Variants in MS4A6A observed in about 807,000 individuals in gnomAD.
The protein encoded by MS4A6A is membrane-spanning 4-domains subfamily A member 6A.
Under a neutral mutation model 20.6 loss-of-function variants are expected in MS4A6A, and 19 were observed. The ratio of observed to expected loss-of-function variants is 0.92; its 90% CI spans 0.64 to 1.36. MS4A6A has a LOEUF of 1.36. Among genes scored for constraint, MS4A6A ranks in the 40% most tolerant of loss-of-function variants. MS4A6A has a pLI of 0.00. For missense variants in MS4A6A, 272 were observed against 261.1 expected, an observed-to-expected ratio of 1.04 and a Z score of -0.29; for synonymous variants, 108 against 105.0, an observed-to-expected ratio of 1.03 and a Z score of -0.17.
chr11:60,173,923 T>C (rs906762366), intron 5 of MS4A6A, among the ~76,000 whole-genome samples: 17 of 152,238 alleles, frequency 1.1e-4, no homozygotes, highest in African/African-American at 4.1e-4. Context: ...CTTTGGTTTG[T>C]GGTATTTATA....
In MS4A6A at chr11:60,172,935, T is replaced by C; in HGVS notation, c.*66A>G. On this transcript the variant is annotated 3_prime_UTR_variant, in exon 6 of 6. Transcript: ENST00000528851. Reference sequence around the variant, plus strand: ...CCATGTGTATCTCATGACTGACTGATTGTTCCTTCTACCACTCTTGGTGAC... The same window carrying C: ...CCATGTGTATCTCATGACTGACTGACTGTTCCTTCTACCACTCTTGGTGAC... 1 of 1,603,348 alleles carries C rather than the reference T, an allele frequency of 6.2e-7. No homozygotes were observed. Among genetic ancestry groups the C allele is most frequent in the Non-Finnish European group, 8.5e-7 (1 of 1,172,334 alleles).
chr11:60,181,518 G>A (rs1436194851), intron 2 of MS4A6A, 63 bp downstream of exon 2: 48 of 1,594,974 alleles, frequency 3.0e-5, no homozygotes, highest in Non-Finnish European at 3.7e-5. Flanking sequence ...CCAGTCCCAA[G>A]ACATATATCA....
chr11:60,182,267 T>C (rs143587408), intron 1 of MS4A6A: 4 of 153,000 alleles, frequency 2.6e-5, no homozygotes, highest in Non-Finnish European at 5.8e-5. Context: ...AAACATGTAA[T>C]AAATAAGAAA....
At chr11:60,182,877 G>T in intron 1 of MS4A6A, 101 bp downstream of exon 1, 1 of 522,188 alleles carries the variant, frequency 1.9e-6, no homozygotes, top group Non-Finnish European at 2.8e-6. Context: ...AGGCCCTAGT[G>T]TCTCTTAACT....
Position 60,175,488 on chromosome 11 carries a change from T to G in MS4A6A, c.463A>C (p.Asn155His). The change falls in exon 5 of 6, where the codon AAT becomes CAT. Residue 155 changes from asparagine to histidine, a missense_variant. Coordinates refer to ENST00000528851, the MANE Select transcript of MS4A6A (RefSeq NM_022349.4). ...ASLQCELDKN[N>H]IPTRSYVSYF... ...GAAACATAACTTCTTGTTGGTATAT[T>G]ATTTTTGTCCAACTCACACTGCAGT... 6.2e-7 allele frequency: 1 copy of G among 1,614,158 alleles called. No homozygotes were observed. Among genetic ancestry groups the G allele is most frequent in the South Asian group, 1.1e-5 (1 of 91,080 alleles).
intron 1 of MS4A6A, 22 bp downstream of exon 1, chr11:60,182,951 TGAGAA>T: frequency 9.0e-6 from 12 of 1,328,300 alleles, no homozygotes; most frequent in Non-Finnish European, 1.2e-5. Context: ...AATAGTGAGA[TGAGAA>T]AAGTCTTCCA....
chr11:60,182,004 G>A (rs1340997985), intron 1 of MS4A6A, among the ~76,000 whole-genome samples: 1 of 152,164 alleles, frequency 6.6e-6, no homozygotes, highest in East Asian at 1.9e-4. Flanking sequence ...AATGTCCAGA[G>A]GCAAATGGTC....
At chr11:60,172,015 G>T, downstream of MS4A6A, 2 of 760,944 alleles carry the variant, frequency 2.6e-6, no homozygotes, top group Non-Finnish European at 4.0e-6. Flanking sequence ...TATCTTAAAT[G>T]ACAGTGAAAT....
At chr11:60,173,162 T>C (rs375516732) in intron 5 of MS4A6A, 33 bp from the exon 6 acceptor site, 25 of 1,597,106 alleles carry the variant, frequency 1.6e-5, no homozygotes, top group Non-Finnish European at 1.9e-5. Flanking sequence ...TTGATGTTGC[T>C]TAGGTCAGCT....
intron 3 of MS4A6A, 153 bp from the exon 4 acceptor site, chr11:60,178,469 C>T: frequency 3.5e-6 from 2 of 574,030 alleles, no homozygotes; most frequent in Non-Finnish European, 6.2e-6. Flanking sequence ...AGATTTGTCC[C>T]TTTGTCCATA....
At chr11:60,182,246 T>C (rs546472539) in intron 1 of MS4A6A, 1 of 153,078 alleles carries the variant, frequency 6.5e-6, no homozygotes, top group South Asian at 2.1e-4. Flanking sequence ...TGCATGTTAG[T>C]AAGTTAGTAA....
chr11:60,172,021 GA>G, downstream of MS4A6A: 1 of 824,054 alleles, frequency 1.2e-6, no homozygotes, highest in East Asian at 2.7e-5. Flanking sequence ...AAATGACAGT[GA>G]AATAATGGTT....
At chr11:60,181,516 A>C (rs1353241241) in intron 2 of MS4A6A, 65 bp downstream of exon 2, 1 of 1,593,298 alleles carries the variant, frequency 6.3e-7, no homozygotes, top group African/African-American at 1.3e-5. Flanking sequence ...GTCCAGTCCC[A>C]AGACATATAT....
rs1856661769 is a variant in MS4A6A, at chr11:60,173,073, G to A, written c.606C>T (p.Leu202=). The A allele has an allele frequency of 1.2e-6, 2 of 1,613,986 alleles. No homozygotes were observed. Among genetic ancestry groups the A allele is most frequent in the East Asian group, 2.2e-5 (1 of 44,892 alleles). The change falls in exon 6 of 6, where the codon CTC becomes CTT. Residue 202 remains leucine (L), a synonymous_variant. Transcript: ENST00000528851. The stretch of plus-strand genomic sequence containing the variant: ...CCTGTTTCCACCGCAGCACAGCAGT[G>A]AGCACAGCTAGGCAGAATTCCAGCA... ...CTLLEFCLAV[L]TAVLRWKQAY...
chr11:60,172,887 T>C lies in MS4A6A; in HGVS notation c.*114A>G, dbSNP rs1856649287. The C allele has an allele frequency of 1.3e-6, 2 of 1,547,714 alleles. No individual in the cohort carries two copies. Among genetic ancestry groups the C allele is most frequent in the East Asian group, 4.6e-5 (2 of 43,354 alleles). Reference sequence around the variant, plus strand: ...TGCCATCTGCTTTTCTTCTCTGTCTTCCATCACAATGCAAATGCCCTCCCA... The same window carrying C: ...TGCCATCTGCTTTTCTTCTCTGTCTCCCATCACAATGCAAATGCCCTCCCA... On this transcript the variant is annotated 3_prime_UTR_variant, in exon 6 of 6. Transcript: ENST00000528851.
chr11:60,182,964 C>T lies in MS4A6A; in HGVS notation c.-15+14G>A. The stretch of plus-strand genomic sequence containing the variant: ...GGAATAGTGAGATGAGAAAAGTCTT[C>T]CAGCATTACCTACCTGTGCCCGTTG... On this transcript the variant is annotated intron_variant, in intron 1 of 5. Coordinates refer to ENST00000528851, the MANE Select transcript of MS4A6A (RefSeq NM_022349.4). 3.7e-6 allele frequency: 5 copies of T among 1,354,294 alleles called. No individual in the cohort carries two copies. The South Asian group carries it at 9.4e-5, about 25-fold the overall frequency. 83.9% of individuals were successfully genotyped at this position (1,354,294 alleles called of 1,614,324 possible).
chr11:60,175,630 G>A lies in MS4A6A; in HGVS notation c.340-19C>T, dbSNP rs760936397. On this transcript the variant is annotated intron_variant, in intron 4 of 5. Coordinates refer to ENST00000528851, the MANE Select transcript of MS4A6A (RefSeq NM_022349.4). ...TATGCACCTGAAAGAGAAATGTTGG[G>A]TAAGGATCATTGCTAATGACTCATG... is the stretch of plus-strand genomic sequence containing the variant. The A allele has an allele frequency of 3.7e-6, 6 of 1,610,184 alleles. No individual in the cohort carries two copies. Among genetic ancestry groups the A allele is most frequent in the Non-Finnish European group, 4.2e-6 (5 of 1,177,822 alleles).
rs117487456 is a variant in MS4A6A, at chr11:60,175,625, G to A, written c.340-14C>T. The A allele has an allele frequency of 6.3e-3, 10,172 of 1,611,352 alleles. 40 individuals are homozygous for A. Among genetic ancestry groups the A allele is most frequent in the Non-Finnish European group, 7.5e-3 (8,871 of 1,178,804 alleles). ...GCTGCTATGCACCTGAAAGAGAAAT[G>A]TTGGGTAAGGATCATTGCTAATGAC... On this transcript the variant is annotated splice_polypyrimidine_tract_variant and intron_variant, in intron 4 of 5. Transcript: ENST00000528851.
intron 5 of MS4A6A, 88 bp downstream of exon 5, chr11:60,175,314 T>C (rs759737793): frequency 6.1e-6 from 7 of 1,139,416 alleles, no homozygotes; most frequent in Non-Finnish European, 7.5e-6. Context: ...CCAGAACCAA[T>C]AGAGAGATTT....
Sources: gnomAD v4.1 joint callset for allele counts (sites outside exome capture counted in the v4.1 genomes callset) on GRCh38, gnomAD v4.1.1 for gene constraint, MANE v1.5 for transcripts, NCBI Gene and HGNC (gene_info 2026-07-23, HGNC 2026-07-21) for gene names.